LDLRAD4: variants seen among roughly 807,000 people sequenced by gnomAD.
LDLRAD4 encodes the protein low density lipoprotein receptor class A domain containing 4.
A neutral mutation model predicts 17.0 loss-of-function variants in LDLRAD4; 5 were observed. That is an observed-to-expected ratio of 0.29 (90% CI 0.15 to 0.62). The LOEUF is 0.62. Ranked by LOEUF, LDLRAD4 falls within the 20% of genes least tolerant of loss-of-function variation. The pLI is 0.84. For missense variants in LDLRAD4, 340 were observed against 424.7 expected (o/e 0.80, Z 1.75); for synonymous variants, 168 against 171.8 (o/e 0.98, Z 0.17).
chr18:13,619,290 G>A (rs1249012454), intron 3 of LDLRAD4, among the ~76,000 whole-genome samples: 1 of 152,086 alleles, frequency 6.6e-6, no homozygotes, highest in Non-Finnish European at 1.5e-5. Flanking sequence ...TATGTGCAGG[G>A]GCAGAGTCGA....
At chr18:13,329,125 G>A (rs2081701694) in intron 1 of LDLRAD4, among the ~76,000 whole-genome samples, 1 of 152,140 alleles carries the variant, frequency 6.6e-6, no homozygotes. Context: ...TATATATTAT[G>A]TACACATATT....
At chr18:13,535,220 T>C (rs939507631) in intron 3 of LDLRAD4, among the ~76,000 whole-genome samples, 1 of 152,238 alleles carries the variant, frequency 6.6e-6, no homozygotes, top group South Asian at 2.1e-4. Flanking sequence ...GGGTTATATG[T>C]GTTTAATTTA....
chr18:13,391,129 T>C (rs747002863), intron 2 of LDLRAD4, among the ~76,000 whole-genome samples: 6 of 152,206 alleles, frequency 3.9e-5, no homozygotes, highest in Non-Finnish European at 8.8e-5. Context: ...AGTCTTGCCT[T>C]AGATAAGACA....
intron 1 of LDLRAD4, among the ~76,000 whole-genome samples, chr18:13,228,707 A>G (rs2041928710): frequency 6.6e-6 from 1 of 152,228 alleles, no homozygotes; most frequent in African/African-American, 2.4e-5. Flanking sequence ...AAATGTTAAA[A>G]AATTGTGCCC....
intron 1 of LDLRAD4, among the ~76,000 whole-genome samples, chr18:13,247,145 G>A (rs924509542): frequency 4.6e-5 from 7 of 152,100 alleles, no homozygotes; most frequent in African/African-American, 1.7e-4. Context: ...AGAATTACAG[G>A]TTCTGTTTTT....
intron 2 of LDLRAD4, among the ~76,000 whole-genome samples, chr18:13,416,721 C>T (rs901796321): frequency 2.6e-5 from 4 of 152,004 alleles, no homozygotes; most frequent in Non-Finnish European, 5.9e-5. Context: ...TTTGCTATAG[C>T]AAATAAAAGC....
chr18:13,364,644 A>G (rs1370410930), intron 1 of LDLRAD4, among the ~76,000 whole-genome samples: 1 of 152,150 alleles, frequency 6.6e-6, no homozygotes, highest in African/African-American at 2.4e-5. Flanking sequence ...ACCCAGCTCT[A>G]TTATTTGATT....
chr18:13,301,088 G>C (rs947728575), intron 1 of LDLRAD4, among the ~76,000 whole-genome samples: 1 of 152,218 alleles, frequency 6.6e-6, no homozygotes, highest in African/African-American at 2.4e-5. Context: ...CCGTGGTTGG[G>C]GGGGTACAGG....
At chr18:13,286,065 CTG>C (rs1237720953) in intron 1 of LDLRAD4, among the ~76,000 whole-genome samples, 1 of 152,214 alleles carries the variant, frequency 6.6e-6, no homozygotes, top group African/African-American at 2.4e-5. Context: ...CAAACCAAAA[CTG>C]TGTACCCATT....
At chr18:13,254,960 T>A (rs956205118) in intron 1 of LDLRAD4, among the ~76,000 whole-genome samples, 16 of 152,124 alleles carry the variant, frequency 1.1e-4, no homozygotes, top group Non-Finnish European at 8.8e-5. Context: ...CGGGACCCTG[T>A]CTCAAAAAAA....
chr18:13,433,977 T>C (rs1162188475), intron 2 of LDLRAD4, among the ~76,000 whole-genome samples: 1 of 152,204 alleles, frequency 6.6e-6, no homozygotes, highest in African/African-American at 2.4e-5. Flanking sequence ...CTACAGGTAA[T>C]TTGTTCTCCA....
intron 1 of LDLRAD4, among the ~76,000 whole-genome samples, chr18:13,250,768 G>A (rs1397595775): frequency 6.6e-6 from 1 of 152,164 alleles, no homozygotes; most frequent in Non-Finnish European, 1.5e-5. Context: ...GCCTAGGACT[G>A]GATGGCTTCA....
chr18:13,338,989 T>G (rs2082240234), intron 1 of LDLRAD4, among the ~76,000 whole-genome samples: 1 of 152,220 alleles, frequency 6.6e-6, no homozygotes, highest in Non-Finnish European at 1.5e-5. Context: ...TATTTTTGTT[T>G]ATGCTTAATT....
intron 3 of LDLRAD4, chr18:13,521,685 C>A (rs768006281): frequency 6.6e-6 from 1 of 151,898 alleles, no homozygotes; most frequent in African/African-American, 2.4e-5. Flanking sequence ...GAGCACGTGA[C>A]GAGGAGTCAT....
chr18:13,400,290 G>C (rs2087060366), intron 2 of LDLRAD4, among the ~76,000 whole-genome samples: 4 of 152,212 alleles, frequency 2.6e-5, no homozygotes, highest in Admixed American at 2.0e-4. Flanking sequence ...TGCAAGGTGG[G>C]ACGATTTCAT....
chr18:13,525,309 A>G (rs1190073648), intron 3 of LDLRAD4, among the ~76,000 whole-genome samples: 1 of 152,200 alleles, frequency 6.6e-6, no homozygotes, highest in East Asian at 1.9e-4. Flanking sequence ...AACGAAGAGC[A>G]TAGACCAGCA....
intron 1 of LDLRAD4, among the ~76,000 whole-genome samples, chr18:13,285,061 A>C (rs1325378963): frequency 6.6e-6 from 1 of 152,126 alleles, no homozygotes; most frequent in Non-Finnish European, 1.5e-5. Flanking sequence ...GAGAGTCCTG[A>C]GGGATTCTTG....
intron 1 of LDLRAD4, among the ~76,000 whole-genome samples, chr18:13,230,870 G>A (rs1209998264): frequency 2.6e-5 from 4 of 152,196 alleles, no homozygotes; most frequent in African/African-American, 4.8e-5. Context: ...CCTCCAGGGC[G>A]AATCCTGACA....
intron 3 of LDLRAD4, among the ~76,000 whole-genome samples, chr18:13,567,131 G>A (rs1218040625): frequency 2.0e-5 from 3 of 152,294 alleles, no homozygotes; most frequent in East Asian, 3.9e-4. Context: ...GCTCTGGTTT[G>A]CCTTGGTCAA....
Sources: gnomAD v4.1 joint callset for allele counts (sites outside exome capture counted in the v4.1 genomes callset) on GRCh38, gnomAD v4.1.1 for gene constraint, MANE v1.5 for transcripts, NCBI Gene and HGNC (gene_info 2026-07-23, HGNC 2026-07-21) for gene names.